KIF20B: variants seen among roughly 807,000 people sequenced by gnomAD.
The protein encoded by KIF20B is kinesin family member 20B.
A neutral mutation model predicts 232.5 loss-of-function variants in KIF20B; 188 were observed. The observed-to-expected ratio is 0.81, with a 90% CI of 0.72 to 0.91. KIF20B has a LOEUF of 0.91. Ranked by LOEUF, KIF20B falls within the 40% of genes least tolerant of loss-of-function variation. The pLI is 0.00. For synonymous variants in KIF20B, 712 were observed against 683.0 expected (o/e 1.04, Z -0.66); for missense variants, 2,154 against 2,055.9 (o/e 1.05, Z -0.92).
At chr10:89,743,702 T>C (rs1356593621) in intron 21 of KIF20B, 106 bp from the exon 22 acceptor site, 1 of 666,274 alleles carries the variant, frequency 1.5e-6, no homozygotes, top group Non-Finnish European at 2.4e-6. Flanking sequence ...TCTTTTAGGC[T>C]GTAAAGGATG....
chr10:89,747,409 T>C (rs1016550295), intron 23 of KIF20B, among the ~76,000 whole-genome samples: 2 of 151,998 alleles, frequency 1.3e-5, no homozygotes, highest in African/African-American at 2.4e-5. Flanking sequence ...GGACTATAAA[T>C]CATGCTGCTA....
intron 29 of KIF20B, among the ~76,000 whole-genome samples, chr10:89,763,964 T>C (rs1357518260): frequency 6.6e-6 from 1 of 151,552 alleles, no homozygotes; most frequent in Non-Finnish European, 1.5e-5. Flanking sequence ...GTTACATATG[T>C]ATATATGTGC....
chr10:89,725,232 G>A, intron 15 of KIF20B, 74 bp downstream of exon 15: 2 of 1,260,972 alleles, frequency 1.6e-6, no homozygotes, highest in South Asian at 2.6e-5. Flanking sequence ...CATCAATGAT[G>A]AGAAACACCA....
At position 89,738,141 on chromosome 10, in the gene KIF20B, T is replaced by C. The variant is rs777487065; in HGVS notation, c.3300T>C (p.Asn1100=). The change falls in exon 20 of 33, where the codon AAT becomes AAC. Residue 1100 remains asparagine (N), a synonymous_variant. Transcript: ENST00000371728. ...AEVKGYKDEN[N]RLKEKEHKNQ... ...TAAAAGGCTATAAGGATGAAAACAA[T>C]AGACTAAAGGAGAAGGAGCATAAAA... is the stretch of plus-strand genomic sequence containing the variant. 4.8e-6 allele frequency: 7 copies of C among 1,469,508 alleles called. No individual in the cohort carries two copies. In the African/African-American group the frequency reaches 1.1e-4, roughly 22 times the overall value. 91.0% of individuals were successfully genotyped at this position (1,469,508 alleles called of 1,614,324 possible). A position where few individuals can be genotyped will look rare whatever the true frequency, so the allele number is the denominator to read the frequency against.
At chr10:89,746,628 G>A (rs1320172868) in intron 23 of KIF20B, among the ~76,000 whole-genome samples, 1 of 152,180 alleles carries the variant, frequency 6.6e-6, no homozygotes, top group Non-Finnish European at 1.5e-5. Flanking sequence ...GCAACATTTG[G>A]GTGTGAAAAC....
intron 4 of KIF20B, 123 bp downstream of exon 4, chr10:89,709,584 A>G: frequency 1.6e-6 from 1 of 633,490 alleles, no homozygotes; most frequent in Non-Finnish European, 2.7e-6. Flanking sequence ...GATTTTAAGG[A>G]TAAGACTCAA....
chr10:89,717,779 A>G, intron 11 of KIF20B, 57 bp downstream of exon 11: 1 of 1,303,100 alleles, frequency 7.7e-7, no homozygotes, highest in Non-Finnish European at 1.0e-6. Context: ...TTAAACTTTC[A>G]ACTTTTTTGT....
rs1212522045 is a variant in KIF20B at position 89,752,678 on chromosome 10, A to T, written c.4334A>T (p.Gln1445Leu). 4 of 1,574,490 alleles carry T rather than the reference A, an allele frequency of 2.5e-6. No individual in the cohort carries two copies. The highest frequency in any genetic ancestry group is 3.4e-6 in the Non-Finnish European group (4 of 1,162,030). Residue 1445 changes from glutamine to leucine, a missense_variant, in exon 25 of 33, where the codon CAA (glutamine) becomes CTA (leucine). Physicochemically the swap from Gln to Leu is moderately radical, Grantham distance 113. Transcript: ENST00000371728. ...TDVLGKLTNLQDELQESEQKY... is the reference protein window; with the variant it reads ...TDVLGKLTNLLDELQESEQKY... ...GTGCTTGGAAAGCTCACTAATCTTCAAGATGAGTTACAGGTATGACTTTAT... is the reference window on the plus strand; with the variant it reads ...GTGCTTGGAAAGCTCACTAATCTTCTAGATGAGTTACAGGTATGACTTTAT...
chr10:89,744,935 T>C (rs1841878998), intron 22 of KIF20B, among the ~76,000 whole-genome samples: 1 of 152,232 alleles, frequency 6.6e-6, no homozygotes, highest in Non-Finnish European at 1.5e-5. Context: ...TTGGATTACA[T>C]GATAAGTTAC....
rs375746203 is a variant in KIF20B at position 89,754,564 on chromosome 10, A to G, written c.4394A>G (p.Glu1465Gly). ...YNADRKKWLEEKMMLITQAKE... is the reference protein window; with the variant it reads ...YNADRKKWLEGKMMLITQAKE... ...GCTGATAGAAAGAAATGGTTAGAAG[A>G]AAAAATGATGCTTATCACTCAAGCG... The change falls in exon 26 of 33, where the codon GAA becomes GGA. Residue 1465 changes from glutamate to glycine, a missense_variant. Coordinates refer to ENST00000371728, the MANE Select transcript of KIF20B (RefSeq NM_001284259.2). The G allele has an allele frequency of 1.5e-5, 24 of 1,604,360 alleles. 1 individual carries two copies. The African/African-American group carries it at 2.9e-4, about 20-fold the overall frequency.
intron 19 of KIF20B, among the ~76,000 whole-genome samples, chr10:89,735,192 T>C (rs1841622706): frequency 1.3e-5 from 2 of 152,228 alleles, no homozygotes; most frequent in Admixed American, 1.3e-4. Context: ...TACATATATC[T>C]AGAAGCAGAA....
chr10:89,707,415 G>A (rs1005802275), intron 2 of KIF20B, among the ~76,000 whole-genome samples: 7 of 151,922 alleles, frequency 4.6e-5, no homozygotes, highest in Admixed American at 2.0e-4. Flanking sequence ...TTTTGTATGC[G>A]TATGTTCATG....
At position 89,740,842 on chromosome 10, in the gene KIF20B, A is replaced by G. The variant is rs150592411; in HGVS notation, c.3915+1746A>G. Among the ~76,000 whole-genome samples, 363 of 152,020 alleles carry G rather than the reference A, an allele frequency of 2.4e-3. 1 individual carries two copies. The highest frequency in any genetic ancestry group is 8.4e-3 in the African/African-American group (346 of 41,434). ...CCCTAGCTCCTTTTAAATTTATTGTATTGTTAAAGTCTTTTTTATTGCTAC... is the reference window on the plus strand; with the variant it reads ...CCCTAGCTCCTTTTAAATTTATTGTGTTGTTAAAGTCTTTTTTATTGCTAC... On this transcript the variant is annotated intron_variant, in intron 21 of 32. Coordinates refer to ENST00000371728, the MANE Select transcript of KIF20B (RefSeq NM_001284259.2).
In KIF20B at chr10:89,714,936, C is replaced by CT; in HGVS notation, c.713-14dup. 2 of 1,395,364 alleles carry CT rather than the reference C, an allele frequency of 1.4e-6. No individual in the cohort carries two copies. The highest frequency in any genetic ancestry group is 2.5e-5 in the East Asian group (1 of 40,644). 86.4% of individuals were successfully genotyped at this position (1,395,364 alleles called of 1,614,324 possible). ...TTGCTTACTTTCGTGATTGTTTTTT[C>CT]TTTTTCTTTTTTTTGTAGGAAGTTT... On this transcript the variant is annotated intron_variant, in intron 7 of 32. Transcript: ENST00000371728.
rs375178802 is a variant in KIF20B, at chr10:89,737,979, A to C, written c.3138A>C (p.Glu1046Asp). ...AAGTTAAAGAATATCGAATTCAAGA[A>C]CCCAATAGGGAAAATTCTTTCCACT... ...SKQVKEYRIQEPNRENSFHSS... is the reference protein window; with the variant it reads ...SKQVKEYRIQDPNRENSFHSS... The change falls in exon 20 of 33, where the codon GAA becomes GAC. Residue 1046 changes from glutamate to aspartate, a missense_variant. Glu to Asp is a conservative substitution (Grantham distance 45, BLOSUM62 2). Coordinates refer to ENST00000371728, the MANE Select transcript of KIF20B (RefSeq NM_001284259.2). 6 of 1,613,178 alleles carry C rather than the reference A, an allele frequency of 3.7e-6. No individual in the cohort carries two copies. In the African/African-American group the frequency reaches 8.0e-5, roughly 22 times the overall value.
intron 25 of KIF20B, among the ~76,000 whole-genome samples, chr10:89,753,935 G>T (rs973689137): frequency 6.6e-6 from 1 of 151,676 alleles, no homozygotes; most frequent in Non-Finnish European, 1.5e-5. Context: ...TTTTTAAGTG[G>T]TATTATTATT....
At chr10:89,704,546 A>G (rs1842682537) in intron 1 of KIF20B, among the ~76,000 whole-genome samples, 2 of 149,860 alleles carry the variant, frequency 1.3e-5, no homozygotes, top group Admixed American at 1.3e-4. Flanking sequence ...AATTTTTCAG[A>G]TAACTGAGTT....
chr10:89,767,562 C>T (rs566155664), intron 29 of KIF20B, among the ~76,000 whole-genome samples: 1 of 151,856 alleles, frequency 6.6e-6, no homozygotes, highest in Non-Finnish European at 1.5e-5. Flanking sequence ...TCTTCTTGCC[C>T]CCTTTTTCCT....
At chr10:89,724,379 T>C (rs1284790752) in intron 14 of KIF20B, among the ~76,000 whole-genome samples, 5 of 151,996 alleles carry the variant, frequency 3.3e-5, no homozygotes, top group Non-Finnish European at 7.4e-5. Flanking sequence ...ATAGAAAAAT[T>C]AGCTGGGCGT....
Sources: allele counts gnomAD v4.1 joint callset (sites outside exome capture counted in the v4.1 genomes callset), GRCh38; gene constraint gnomAD v4.1.1; transcripts MANE v1.5; gene names NCBI Gene and HGNC (gene_info 2026-07-23, HGNC 2026-07-21).